POC1B: variants seen among roughly 807,000 people sequenced by gnomAD.
The protein encoded by POC1B is POC1 centriolar protein B.
Under a neutral mutation model 60.6 loss-of-function variants are expected in POC1B, and 44 were observed. The ratio of observed to expected loss-of-function variants is 0.73; its 90% CI spans 0.57 to 0.93. POC1B has a LOEUF of 0.93. Among genes scored for constraint, POC1B ranks in the 40% least tolerant of loss-of-function variants. POC1B has a pLI of 0.00. For synonymous variants in POC1B, 180 were observed against 198.9 expected, an observed-to-expected ratio of 0.90 and a Z score of 0.80; for missense variants, 555 against 572.3, an observed-to-expected ratio of 0.97 and a Z score of 0.31.
chr12:89,497,055 C>G (rs1338170182), intron 3 of POC1B, 116 bp downstream of exon 3: 5 of 1,092,668 alleles, frequency 4.6e-6, no homozygotes, highest in East Asian at 2.4e-5. Flanking sequence ...GGCAGCATGC[C>G]TTTTATGTGA....
At chr12:89,488,138 CTT>C (rs1429402227) in intron 4 of POC1B, among the ~76,000 whole-genome samples, 6 of 143,758 alleles carry the variant, frequency 4.2e-5, no homozygotes, top group African/African-American at 1.3e-4. Flanking sequence ...TGATAAAAGA[CTT>C]ATATATAGAT....
chr12:89,490,018 G>C (rs1281796979), intron 4 of POC1B, among the ~76,000 whole-genome samples: 2 of 152,204 alleles, frequency 1.3e-5, no homozygotes, highest in African/African-American at 4.8e-5. Flanking sequence ...TCACAAGGCT[G>C]TGAGGACTGA....
Position 89,525,861 on chromosome 12 carries a change from CA to C in POC1B, c.15+19del. The stretch of plus-strand genomic sequence containing the variant: ...ACAGGCTCCAGGGAGGGACCCCCCC[CA>C]CCTCCAACCCGTCCTTACCGTGGCT... On this transcript the variant is annotated intron_variant, in intron 1 of 11. Transcript: ENST00000313546. 7.0e-7 allele frequency: 1 copy of C among 1,424,610 alleles called. No homozygotes were observed. Among genetic ancestry groups the C allele is most frequent in the Non-Finnish European group, 9.2e-7 (1 of 1,083,796 alleles). 88.2% of individuals were successfully genotyped at this position (1,424,610 alleles called of 1,614,324 possible). A position where few individuals can be genotyped will look rare whatever the true frequency, so the allele number is the denominator to read the frequency against.
intron 10 of POC1B, among the ~76,000 whole-genome samples, chr12:89,452,847 TTTTA>T (rs1882109496): frequency 6.6e-6 from 1 of 152,154 alleles, no homozygotes; most frequent in Non-Finnish European, 1.5e-5. Context: ...ATTTTAGTTG[TTTTA>T]TTTATTTTTT....
At chr12:89,463,161 A>G (rs1052783483) in intron 9 of POC1B, among the ~76,000 whole-genome samples, 3 of 152,196 alleles carry the variant, frequency 2.0e-5, no homozygotes, top group Non-Finnish European at 2.9e-5. Flanking sequence ...TTCCTGCTAA[A>G]TATCATACAG....
At chr12:89,480,757 C>T (rs1282913149) in intron 4 of POC1B, among the ~76,000 whole-genome samples, 1 of 152,078 alleles carries the variant, frequency 6.6e-6, no homozygotes, top group Non-Finnish European at 1.5e-5. Flanking sequence ...CCCGCCACCT[C>T]ACCCGGCTAA....
intron 11 of POC1B, among the ~76,000 whole-genome samples, chr12:89,424,737 C>T (rs917251225): frequency 2.6e-5 from 4 of 152,130 alleles, no homozygotes; most frequent in African/African-American, 9.7e-5. Flanking sequence ...GGATAATATT[C>T]TAACATGGGA....
chr12:89,525,250 A>T (rs1296960444), intron 1 of POC1B, 46 bp from the exon 2 acceptor site: 7 of 1,574,636 alleles, frequency 4.4e-6, no homozygotes, highest in Non-Finnish European at 5.2e-6. Flanking sequence ...GCAGACCTCG[A>T]ATTCTGGCGG....
At position 89,526,022 on chromosome 12, in the gene POC1B, G is replaced by A. The variant is rs1316867257; in HGVS notation, c.-127C>T. 6.5e-7 allele frequency: 1 copy of A among 1,537,260 alleles called. No individual in the cohort carries two copies. Among genetic ancestry groups the A allele is most frequent in the Admixed American group, 2.0e-5 (1 of 50,880 alleles). ...CTGCCCAGAGCGGCAGCGCCTCCCG[G>A]TCACTACAACAACGGCGGCCCAGTC... On this transcript the variant is annotated 5_prime_UTR_variant, in exon 1 of 12. Coordinates refer to ENST00000313546, the MANE Select transcript of POC1B (RefSeq NM_172240.3).
the POC1B span, among the ~76,000 whole-genome samples, chr12:89,402,571 G>C: frequency 4.6e-5 from 7 of 151,978 alleles, no homozygotes; most frequent in Admixed American, 4.6e-4. Context: ...CCTTCTTTGT[G>C]TTCATAAGTT....
the POC1B span, among the ~76,000 whole-genome samples, chr12:89,404,073 G>A: frequency 1.3e-5 from 2 of 151,294 alleles, no homozygotes; most frequent in Admixed American, 6.6e-5. Flanking sequence ...TGGAGGTTGC[G>A]ATAAGCTGAG....
rs148680715 is a variant in POC1B at position 89,444,843 on chromosome 12, A to G, written c.1113+14795T>C. The stretch of plus-strand genomic sequence containing the variant: ...CCCTGTTTGCAGGTGACATGATTGT[A>G]TATTTAGAAAACCCCATCGTCTCAG... On this transcript the variant is annotated intron_variant, in intron 10 of 11. Coordinates refer to ENST00000313546, the MANE Select transcript of POC1B (RefSeq NM_172240.3). Among the ~76,000 whole-genome samples the G allele has an allele frequency of 1.6e-3, 251 of 152,342 alleles. 1 individual carries two copies. Among genetic ancestry groups the G allele is most frequent in the African/African-American group, 5.5e-3 (230 of 41,574 alleles).
At chr12:89,491,830 G>T in intron 4 of POC1B, 106 bp downstream of exon 4, 1 of 886,458 alleles carries the variant, frequency 1.1e-6, no homozygotes, top group South Asian at 2.4e-5. Flanking sequence ...AATATCTGTT[G>T]AATGAATGAA....
chr12:89,409,440 T>C, the POC1B span, among the ~76,000 whole-genome samples: 1 of 152,330 alleles, frequency 6.6e-6, no homozygotes, highest in African/African-American at 2.4e-5. Flanking sequence ...TGTAGATGCG[T>C]GGTGTTATTT....
chr12:89,426,114 TAAGTAA>T (rs1880753720), intron 10 of POC1B: 1 of 152,216 alleles, frequency 6.6e-6, no homozygotes, highest in South Asian at 2.1e-4. Flanking sequence ...GAAAACATGC[TAAGTAA>T]AATGAGCCAG....
Position 89,425,314 on chromosome 12 carries a change from G to A in POC1B, c.1179C>T (p.Asn393=), listed in dbSNP as rs1880717964. 6.2e-7 allele frequency: 1 copy of A among 1,613,988 alleles called. No individual in the cohort carries two copies. The highest frequency in any genetic ancestry group is 1.3e-5 in the African/African-American group (1 of 74,892). Residue 393 remains asparagine, a synonymous_variant, in exon 11 of 12, where the codon AAC becomes AAT. Transcript: ENST00000313546. The part of the protein sequence containing the change: ...KGEEACGYFL[N]PSLMSPECLP... ...AACATTCTGGTGACATTAAGGAAGG[G>A]TTCAAGAAATATCCACAGGCCTCTT...
chr12:89,465,942 T>C (rs1882667318), intron 9 of POC1B, among the ~76,000 whole-genome samples: 1 of 152,036 alleles, frequency 6.6e-6, no homozygotes, highest in South Asian at 2.1e-4. Flanking sequence ...GAAAACAAAA[T>C]GAAAGAAGTG....
intron 10 of POC1B, among the ~76,000 whole-genome samples, chr12:89,457,978 C>T (rs1339956207): frequency 1.3e-5 from 2 of 152,106 alleles, no homozygotes; most frequent in Non-Finnish European, 2.9e-5. Flanking sequence ...TCCTGCTGTC[C>T]CTTGCTAAGA....
intron 3 of POC1B, among the ~76,000 whole-genome samples, chr12:89,495,581 G>A (rs1479619544): frequency 2.0e-5 from 3 of 152,046 alleles, no homozygotes; most frequent in Non-Finnish European, 4.4e-5. Context: ...GCCACAACAG[G>A]GTCAAGGAAA....
Sources: allele counts gnomAD v4.1 joint callset (sites outside exome capture counted in the v4.1 genomes callset), GRCh38; gene constraint gnomAD v4.1.1; transcripts MANE v1.5; gene names NCBI Gene and HGNC (gene_info 2026-07-23, HGNC 2026-07-21).